SEPTIN11: variants seen among roughly 807,000 people sequenced by gnomAD.
SEPTIN11 encodes septin 11.
SEPTIN11 carries 25 observed loss-of-function variants against 51.4 expected under a neutral mutation model. The ratio of observed to expected loss-of-function variants is 0.49; its 90% CI spans 0.35 to 0.68. The LOEUF (loss-of-function observed/expected upper bound fraction) is 0.68. SEPTIN11 is among the 30% of genes least tolerant of loss of function. The pLI is 0.00. For synonymous variants in SEPTIN11, 174 were observed against 184.1 expected (o/e 0.95, Z 0.44); for missense variants, 381 against 520.8 (o/e 0.73, Z 2.61).
At chr4:76,969,346 C>T (rs1385882981) in intron 1 of SEPTIN11, among the ~76,000 whole-genome samples, 2 of 152,146 alleles carry the variant, frequency 1.3e-5, no homozygotes, top group Admixed American at 1.3e-4. Context: ...ACCTCTTCTT[C>T]TGCTGGTTTT....
At chr4:77,004,289 G>A (rs929648564) in intron 2 of SEPTIN11, among the ~76,000 whole-genome samples, 2 of 152,168 alleles carry the variant, frequency 1.3e-5, no homozygotes, top group African/African-American at 4.8e-5. Context: ...AATTATCAGT[G>A]TAAATAAGGT....
intron 1 of SEPTIN11, among the ~76,000 whole-genome samples, chr4:76,970,558 A>C (rs901800547): frequency 6.6e-6 from 1 of 152,234 alleles, no homozygotes; most frequent in African/African-American, 2.4e-5. Context: ...AGCATCTGAC[A>C]ACAGGAAGCT....
intron 1 of SEPTIN11, chr4:76,958,828 T>C (rs1431986658): frequency 4.3e-6 from 6 of 1,388,142 alleles, no homozygotes; most frequent in Admixed American, 1.7e-5. Context: ...AAATAGTCAA[T>C]GGCTGGTTAT....
chr4:76,998,745 A>G (rs1403547073), intron 2 of SEPTIN11, among the ~76,000 whole-genome samples: 1 of 152,066 alleles, frequency 6.6e-6, no homozygotes, highest in East Asian at 1.9e-4. Flanking sequence ...CTTCACATTC[A>G]GGCATTTTCC....
intron 1 of SEPTIN11, among the ~76,000 whole-genome samples, chr4:76,950,217 C>G (rs1426640577): frequency 1.3e-5 from 2 of 152,146 alleles, no homozygotes. Flanking sequence ...CTTTGAGGCG[C>G]GGCGTGTCTC....
intron 8 of SEPTIN11, 118 bp from the exon 9 acceptor site, chr4:77,030,665 A>C: frequency 1.1e-6 from 1 of 903,804 alleles, no homozygotes; most frequent in Non-Finnish European, 1.6e-6. Context: ...AAAGTGCTGA[A>C]ATTACAGGCG....
intron 9 of SEPTIN11, 100 bp downstream of exon 9, chr4:77,031,070 C>A: frequency 2.7e-6 from 3 of 1,119,520 alleles, no homozygotes; most frequent in African/African-American, 1.6e-5. Context: ...TGGTCCTTTA[C>A]CAGAAAGATA....
Position 76,977,022 on chromosome 4 carries a change from C to T in SEPTIN11, c.28-19403C>T, listed in dbSNP as rs142049788. Among the ~76,000 whole-genome samples, 476 of 152,044 alleles carry T rather than the reference C, an allele frequency of 3.1e-3. 3 individuals are homozygous for T. The highest frequency in any genetic ancestry group is 0.01 in the African/African-American group (429 of 41,440). On this transcript the variant is annotated intron_variant, in intron 1 of 9. Transcript: ENST00000264893. ...GCCTTAAGGTAGATAAGCCCAGCTA[C>T]ACAATATAACATGGAATGAGGTAGA...
chr4:76,949,876 C>A lies in SEPTIN11; in HGVS notation c.-28C>A, dbSNP rs995191262. ...CCGGAGTCGGCGTAAAGCACCCGGG[C>A]GCAGCCGGAGCCGGTGCCGCAGCTG... is the stretch of plus-strand genomic sequence containing the variant. On this transcript the variant is annotated 5_prime_UTR_variant, in exon 1 of 10. Coordinates refer to ENST00000264893, the MANE Select transcript of SEPTIN11 (RefSeq NM_018243.4). The A allele has an allele frequency of 6.6e-7, 1 of 1,515,970 alleles. No homozygotes were observed. Among genetic ancestry groups the A allele is most frequent in the South Asian group, 1.2e-5 (1 of 81,948 alleles). The allele number at this position is 1,515,970 out of a possible 1,614,324, so 93.9% of individuals were successfully genotyped here.
downstream of SEPTIN11, chr4:77,039,268 G>A (rs1727236348): frequency 8.8e-7 from 1 of 1,140,278 alleles, no homozygotes; most frequent in African/African-American, 1.6e-5. Flanking sequence ...GCCCATAGTG[G>A]ATACTGAAGT....
At chr4:77,039,322 A>G (rs1454648451), downstream of SEPTIN11, 2 of 1,092,312 alleles carry the variant, frequency 1.8e-6, no homozygotes, top group Non-Finnish European at 2.2e-6. Context: ...AATATTAATT[A>G]AAAAGGAAAA....
intron 1 of SEPTIN11, among the ~76,000 whole-genome samples, chr4:76,952,770 C>T (rs1054691557): frequency 6.6e-6 from 1 of 152,234 alleles, no homozygotes; most frequent in African/African-American, 2.4e-5. Flanking sequence ...TGAAGCACAT[C>T]TGCTGTTTGC....
At chr4:77,027,500 G>A (rs578224903) in intron 7 of SEPTIN11, among the ~76,000 whole-genome samples, 51 of 152,296 alleles carry the variant, frequency 3.3e-4, no homozygotes, top group African/African-American at 1.2e-3. Flanking sequence ...CTACATGCAC[G>A]TATGCTCCTA....
At chr4:76,957,706 C>T (rs976938000) in intron 1 of SEPTIN11, among the ~76,000 whole-genome samples, 16 of 152,128 alleles carry the variant, frequency 1.1e-4, no homozygotes, top group African/African-American at 3.6e-4. Context: ...CTCTTGCACA[C>T]CTGAACCACA....
intron 1 of SEPTIN11, among the ~76,000 whole-genome samples, chr4:76,959,420 A>T (rs997727145): frequency 2.0e-5 from 3 of 151,964 alleles, no homozygotes; most frequent in African/African-American, 7.3e-5. Flanking sequence ...TGGCCAGATT[A>T]AAAAAGTAGA....
rs17002326 is a variant in SEPTIN11 at position 77,004,271 on chromosome 4, C to G, written c.143-1330C>G. ...CATGGGAGATCTCAGTAAACACTTA[C>G]TGAGTTGAATTATCAGTGTAAATAA... On this transcript the variant is annotated intron_variant, in intron 2 of 9. Transcript: ENST00000264893. Among the ~76,000 whole-genome samples the G allele has an allele frequency of 4.2e-3, 637 of 152,284 alleles. 2 individuals carry two copies. Among genetic ancestry groups the G allele is most frequent in the Admixed American group, 6.8e-3 (104 of 15,284 alleles).
chr4:76,988,780 A>T (rs1313783730), intron 1 of SEPTIN11, among the ~76,000 whole-genome samples: 1 of 152,262 alleles, frequency 6.6e-6, no homozygotes. Flanking sequence ...GCATTTGTAA[A>T]CAGTGGGTAC....
rs1370610743 is a variant in SEPTIN11 at position 76,949,897 on chromosome 4, A to C, written c.-7A>C. On this transcript the variant is annotated 5_prime_UTR_variant, in exon 1 of 10. Coordinates refer to ENST00000264893, the MANE Select transcript of SEPTIN11 (RefSeq NM_018243.4). ...CGGGCGCAGCCGGAGCCGGTGCCGC[A>C]GCTGCGATGGCCGTGGCCGTGGGGA... 6.5e-7 allele frequency: 1 copy of C among 1,530,734 alleles called. No individual in the cohort carries two copies. Among genetic ancestry groups the C allele is most frequent in the South Asian group, 1.2e-5 (1 of 82,508 alleles). The allele number at this position is 1,530,734 out of a possible 1,614,324, so 94.8% of individuals were successfully genotyped here. A position where few individuals can be genotyped will look rare whatever the true frequency, so the allele number is the denominator to read the frequency against.
rs138265925 is a variant in SEPTIN11, at chr4:76,983,679, G to T, written c.28-12746G>T. 9.5e-4 allele frequency among the ~76,000 whole-genome samples: 144 copies of T among 152,310 alleles called. 2 individuals are homozygous for T. Among genetic ancestry groups the T allele is most frequent in the East Asian group, 8.1e-3 (42 of 5,184 alleles). ...ATGTAAACAACCCCTATTCCATCCT[G>T]ATATTGTTTTATCCAGGGTTGAGAT... On this transcript the variant is annotated intron_variant, in intron 1 of 9. Transcript: ENST00000264893.
Sources: allele counts gnomAD v4.1 joint callset (sites outside exome capture counted in the v4.1 genomes callset), GRCh38; gene constraint gnomAD v4.1.1; transcripts MANE v1.5; gene names NCBI Gene and HGNC (gene_info 2026-07-23, HGNC 2026-07-21).